FSHR: variants seen among roughly 807,000 people sequenced by gnomAD.
FSHR encodes the protein follicle-stimulating hormone receptor.
FSHR carries 46 observed loss-of-function variants against 52.1 expected under a neutral mutation model. The ratio of observed to expected loss-of-function variants is 0.88; its 90% CI spans 0.70 to 1.13. The LOEUF (loss-of-function observed/expected upper bound fraction) is 1.13. Ranked by LOEUF, FSHR falls within the 50% of genes most tolerant of loss-of-function variation. The pLI is 0.00. For missense variants in FSHR, 964 were observed against 834.6 expected (o/e 1.16, Z -1.91); for synonymous variants, 399 against 309.6 (o/e 1.29, Z -3.03).
intron 1 of FSHR, among the ~76,000 whole-genome samples, chr2:49,132,393 A>G (rs1672311229): frequency 6.6e-6 from 1 of 152,160 alleles, no homozygotes; most frequent in South Asian, 2.1e-4. Context: ...TTAATCTAAT[A>G]AATCAAAGGA....
intron 1 of FSHR, among the ~76,000 whole-genome samples, chr2:49,072,247 A>G (rs1266430028): frequency 6.6e-6 from 1 of 152,134 alleles, no homozygotes; most frequent in African/African-American, 2.4e-5. Flanking sequence ...AACCAAACAA[A>G]CAAACAAACA....
chr2:49,076,627 C>T (rs1669959238), intron 1 of FSHR, among the ~76,000 whole-genome samples: 1 of 152,084 alleles, frequency 6.6e-6, no homozygotes, highest in South Asian at 2.1e-4. Context: ...TAACTCATTT[C>T]AATATTAACT....
chr2:49,111,160 T>C (rs920361339), intron 1 of FSHR, among the ~76,000 whole-genome samples: 1 of 152,156 alleles, frequency 6.6e-6, no homozygotes, highest in Non-Finnish European at 1.5e-5. Context: ...ATGAGAGCCA[T>C]GTTCTATATG....
At chr2:49,127,022 T>C (rs561843529) in intron 1 of FSHR, among the ~76,000 whole-genome samples, 18 of 152,170 alleles carry the variant, frequency 1.2e-4, no homozygotes, top group South Asian at 4.1e-4. Context: ...GTGGGAAAGA[T>C]AGAATAATAA....
At chr2:49,150,808 C>T (rs140609949) in intron 1 of FSHR, among the ~76,000 whole-genome samples, 1 of 151,982 alleles carries the variant, frequency 6.6e-6, no homozygotes, top group Non-Finnish European at 1.5e-5. Flanking sequence ...AACCCACTCT[C>T]TCAGCTATAG....
chr2:49,146,200 C>T (rs759866097), intron 1 of FSHR, among the ~76,000 whole-genome samples: 4 of 151,978 alleles, frequency 2.6e-5, no homozygotes, highest in Non-Finnish European at 4.4e-5. Flanking sequence ...TGTGAGAAGA[C>T]GAGGAACCAC....
intron 1 of FSHR, among the ~76,000 whole-genome samples, chr2:49,073,770 A>G (rs1669841575): frequency 1.3e-5 from 2 of 152,108 alleles, no homozygotes; most frequent in Non-Finnish European, 2.9e-5. Flanking sequence ...TATGCATCAC[A>G]TTCTCAGACT....
chr2:48,989,801 A>C (rs1675688755), intron 5 of FSHR, among the ~76,000 whole-genome samples: 1 of 150,984 alleles, frequency 6.6e-6, no homozygotes, highest in Non-Finnish European at 1.5e-5. Flanking sequence ...GGATGAGGAA[A>C]CTCTCATTTT....
In FSHR at chr2:49,032,111, G is replaced by A. The variant is rs572501560; in HGVS notation, c.225-11951C>T. On this transcript the variant is annotated intron_variant, in intron 2 of 9. Transcript: ENST00000406846. ...TACTTTACCCTCCCACCTGAGCAGT[G>A]GAGTGGGAAAGAAACCCCATTCCAA... is the stretch of plus-strand genomic sequence containing the variant. 2.8e-4 allele frequency among the ~76,000 whole-genome samples: 42 copies of A among 152,268 alleles called. No homozygotes were observed. The South Asian group carries it at 6.0e-3, about 22-fold the overall frequency.
intron 1 of FSHR, among the ~76,000 whole-genome samples, chr2:49,144,023 A>G (rs1368160799): frequency 2.0e-5 from 3 of 152,134 alleles, no homozygotes; most frequent in Non-Finnish European, 4.4e-5. Context: ...GCAAAACCCC[A>G]AAGAATTATT....
At chr2:49,144,349 C>A (rs1048201807) in intron 1 of FSHR, among the ~76,000 whole-genome samples, 2 of 152,298 alleles carry the variant, frequency 1.3e-5, no homozygotes, top group South Asian at 4.1e-4. Context: ...GCTTCCAGAG[C>A]CACTTTGTAA....
At chr2:49,033,862 T>C (rs1668188026) in intron 2 of FSHR, among the ~76,000 whole-genome samples, 1 of 152,170 alleles carries the variant, frequency 6.6e-6, no homozygotes, top group Non-Finnish European at 1.5e-5. Context: ...GGGCAGGGAC[T>C]GGAGGTATTT....
chr2:49,025,882 G>A (rs1190976029), intron 2 of FSHR, among the ~76,000 whole-genome samples: 1 of 152,226 alleles, frequency 6.6e-6, no homozygotes, highest in Non-Finnish European at 1.5e-5. Context: ...GAGCATGTAT[G>A]TGCCTCAACA....
At chr2:48,990,434 C>A in intron 5 of FSHR, 132 bp downstream of exon 5, 1 of 735,662 alleles carries the variant, frequency 1.4e-6, no homozygotes, top group Non-Finnish European at 2.5e-6. Context: ...TTCTGGCCTC[C>A]CTATCTTTGC....
intron 1 of FSHR, among the ~76,000 whole-genome samples, chr2:49,141,069 A>G (rs1319576037): frequency 6.6e-6 from 1 of 152,206 alleles, no homozygotes; most frequent in African/African-American, 2.4e-5. Flanking sequence ...CTCTATAGAT[A>G]GGCATACATA....
At position 49,007,204 on chromosome 2, in the gene FSHR, TAGCTA is replaced by T. The variant is rs201867420; in HGVS notation, c.374+10280_374+10284del. On this transcript the variant is annotated intron_variant, in intron 4 of 9. Transcript: ENST00000406846. ...TCCCACCATCATAGAGAAGTAAACA[TAGCTA>T]AGCACGAAAAGTATAAGAATGATTC... 3.8e-3 allele frequency among the ~76,000 whole-genome samples: 577 copies of T among 152,108 alleles called. 1 individual carries two copies. Among genetic ancestry groups the T allele is most frequent in the African/African-American group, 0.013 (540 of 41,516 alleles).
At position 48,983,818 on chromosome 2, in the gene FSHR, G is replaced by A. The variant is rs78863251; in HGVS notation, c.525-652C>T. 3.1e-3 allele frequency among the ~76,000 whole-genome samples: 474 copies of A among 152,252 alleles called. 6 individuals are homozygous for A. Among genetic ancestry groups the A allele is most frequent in the African/African-American group, 0.011 (459 of 41,556 alleles). On this transcript the variant is annotated intron_variant, in intron 6 of 9. Transcript: ENST00000406846. ...AGGGTGAGGTGATCTGAATGAGCAG[G>A]GGAGGAGGTTCTGGGGGAGGTGGAG...
chr2:49,130,890 T>C (rs1354856662), intron 1 of FSHR, among the ~76,000 whole-genome samples: 2 of 152,186 alleles, frequency 1.3e-5, no homozygotes, highest in East Asian at 1.9e-4. Flanking sequence ...AGAAGGGGGC[T>C]GTTATAGAGT....
In FSHR at chr2:49,080,556, A is replaced by G. The variant is rs116363374; in HGVS notation, c.153-12266T>C. Reference sequence around the variant, plus strand: ...CATGCAACCAGCTGGAAAAATTTCCAAAGTATAATGTTGAGAGCAAAAACC... The same window carrying G: ...CATGCAACCAGCTGGAAAAATTTCCGAAGTATAATGTTGAGAGCAAAAACC... On this transcript the variant is annotated intron_variant, in intron 1 of 9. Coordinates refer to ENST00000406846, the MANE Select transcript of FSHR (RefSeq NM_000145.4). Among the ~76,000 whole-genome samples, 429 of 152,356 alleles carry G rather than the reference A, an allele frequency of 2.8e-3. 2 individuals carry two copies. The highest frequency in any genetic ancestry group is 1.0e-2 in the African/African-American group (415 of 41,584).
Sources: gnomAD v4.1 joint callset for allele counts (sites outside exome capture counted in the v4.1 genomes callset) on GRCh38, gnomAD v4.1.1 for gene constraint, MANE v1.5 for transcripts, NCBI Gene and HGNC (gene_info 2026-07-23, HGNC 2026-07-21) for gene names.